The following EML6 variants were observed in gnomAD, a reference collection of about 807,000 sequenced individuals.
EML6 encodes EMAP like 6.
EML6 carries 154 observed loss-of-function variants against 240.1 expected under a neutral mutation model. The ratio of observed to expected loss-of-function variants is 0.64; its 90% CI spans 0.56 to 0.73. The LOEUF is 0.73. Ranked by LOEUF, EML6 falls within the 30% of genes least tolerant of loss-of-function variation. The pLI is 0.00. For missense variants in EML6, 2,964 were observed against 2,474.6 expected, an observed-to-expected ratio of 1.20 and a Z score of -4.20; for synonymous variants, 1,148 against 899.0, an observed-to-expected ratio of 1.28 and a Z score of -4.95.
At chr2:54,750,306 CT>C (rs1160268260) in intron 2 of EML6, among the ~76,000 whole-genome samples, 1 of 152,200 alleles carries the variant, frequency 6.6e-6, no homozygotes, top group Non-Finnish European at 1.5e-5. Flanking sequence ...ATTCCGATGG[CT>C]TCATAGCTAC....
chr2:54,943,999 G>T (rs1383564459), intron 28 of EML6, among the ~76,000 whole-genome samples: 1 of 152,018 alleles, frequency 6.6e-6, no homozygotes, highest in Admixed American at 6.6e-5. Context: ...TGGCCCTTCT[G>T]GTGCCTCCCT....
chr2:54,730,680 T>C (rs1320367516), intron 2 of EML6, among the ~76,000 whole-genome samples: 1 of 152,256 alleles, frequency 6.6e-6, no homozygotes, highest in Non-Finnish European at 1.5e-5. Flanking sequence ...TGAAAGCTTT[T>C]GACGGAAGCT....
intron 2 of EML6, among the ~76,000 whole-genome samples, chr2:54,800,896 C>A (rs190379837): frequency 6.6e-6 from 1 of 152,152 alleles, no homozygotes; most frequent in South Asian, 2.1e-4. Flanking sequence ...TGTGACGTCT[C>A]TGGAACAGGA....
chr2:54,829,108 A>G (rs1668737989), intron 6 of EML6, among the ~76,000 whole-genome samples: 1 of 152,206 alleles, frequency 6.6e-6, no homozygotes, highest in Admixed American at 6.5e-5. Context: ...TCTTTTTAGT[A>G]GTGGTAAAAG....
At chr2:54,943,909 G>T (rs965090612) in intron 28 of EML6, among the ~76,000 whole-genome samples, 1 of 152,132 alleles carries the variant, frequency 6.6e-6, no homozygotes, top group Non-Finnish European at 1.5e-5. Flanking sequence ...GCCACATGTG[G>T]CATTGGCTAC....
At chr2:54,951,077 A>G (rs1675952701) in intron 30 of EML6, among the ~76,000 whole-genome samples, 1 of 152,238 alleles carries the variant, frequency 6.6e-6, no homozygotes. Flanking sequence ...GACAGGGTGT[A>G]AGGAGTGGAG....
Position 54,863,902 on chromosome 2 carries a change from G to A in EML6, c.1932+13G>A. 1 of 1,460,564 alleles carries A rather than the reference G, an allele frequency of 6.8e-7. No individual in the cohort carries two copies. The highest frequency in any genetic ancestry group is 1.3e-5 in the South Asian group (1 of 78,812). The allele number at this position is 1,460,564 out of a possible 1,614,324, so 90.5% of individuals were successfully genotyped here. ...TTATGATCGCCAGGTCGGTAAGCAG[G>A]GAGCAATGAAAATTTGTAACCCCAG... On this transcript the variant is annotated intron_variant, in intron 13 of 41. Coordinates refer to ENST00000356458, the MANE Select transcript of EML6 (RefSeq NM_001039753.4).
chr2:54,847,247 GGA>G (rs1669814106), intron 8 of EML6, among the ~76,000 whole-genome samples: 1 of 151,918 alleles, frequency 6.6e-6, no homozygotes, highest in South Asian at 2.1e-4. Context: ...CAAAATCTTT[GGA>G]AATGTTACCT....
At chr2:54,864,754 A>G (rs1179684664) in intron 13 of EML6, among the ~76,000 whole-genome samples, 1 of 152,224 alleles carries the variant, frequency 6.6e-6, no homozygotes, top group Admixed American at 6.5e-5. Flanking sequence ...TTAGGATAAC[A>G]ATGCTTACCT....
intron 26 of EML6, among the ~76,000 whole-genome samples, chr2:54,927,560 C>A (rs961309142): frequency 3.9e-5 from 6 of 152,270 alleles, no homozygotes; most frequent in African/African-American, 1.4e-4. Context: ...GGCTCATGAG[C>A]TGAATATGGA....
Position 54,964,565 on chromosome 2 carries a change from T to G in EML6, c.5331-6T>G. On this transcript the variant is annotated splice_polypyrimidine_tract_variant and splice_region_variant and intron_variant, in intron 37 of 41. Coordinates refer to ENST00000356458, the MANE Select transcript of EML6 (RefSeq NM_001039753.4). Reference sequence around the variant, plus strand: ...ATGGACTCTGCTCTCGGATTGCTTTTTCTAGAATCAGCCCAGACAACCGAT... The same window carrying G: ...ATGGACTCTGCTCTCGGATTGCTTTGTCTAGAATCAGCCCAGACAACCGAT... 6.4e-7 allele frequency: 1 copy of G among 1,552,314 alleles called. No individual in the cohort carries two copies. Among genetic ancestry groups the G allele is most frequent in the Non-Finnish European group, 8.7e-7 (1 of 1,147,082 alleles).
At chr2:54,783,396 C>CA (rs1668939233) in intron 2 of EML6, among the ~76,000 whole-genome samples, 1 of 152,178 alleles carries the variant, frequency 6.6e-6, no homozygotes, top group Admixed American at 6.5e-5. Flanking sequence ...TTTCAAATAA[C>CA]ATTCAGAACA....
rs966998025 is a variant in EML6, at chr2:54,958,519, C to A, written c.4695+521C>A. Among the ~76,000 whole-genome samples, 7 of 152,020 alleles carry A rather than the reference C, an allele frequency of 4.6e-5. No homozygotes were observed. The East Asian group carries it at 7.7e-4, about 17-fold the overall frequency. On this transcript the variant is annotated intron_variant, in intron 33 of 41. Coordinates refer to ENST00000356458, the MANE Select transcript of EML6 (RefSeq NM_001039753.4). ...TATTTTTTTTTTCTTAAAATATTAA[C>A]CAGAAAAGGTAGGACACCCACCCAG...
chr2:54,859,502 A>T (rs1238865492), intron 11 of EML6, 32 bp from the exon 12 acceptor site: 4 of 1,527,064 alleles, frequency 2.6e-6, no homozygotes, highest in Admixed American at 2.1e-5. Flanking sequence ...TTCTTTTTTC[A>T]TAACTAATCC....
Position 54,813,390 on chromosome 2 carries a change from A to C in EML6, c.356A>C (p.Gln119Pro). Residue 119 changes from glutamine to proline, a missense_variant and splice_region_variant, in exon 3 of 42, where the codon CAG becomes CCG. By Grantham distance (76) the Gln-to-Pro change is moderately conservative. Coordinates refer to ENST00000356458, the MANE Select transcript of EML6 (RefSeq NM_001039753.4). ...TGCCTGGCTTTTGACTCAGATGGAC[A>C]GGTGTGTATCTTTTTTTAGTTGTTT... ...VACLAFDSDG[Q>P]RLASVGLDAK... is the part of the protein sequence containing the mutation. 6.5e-7 allele frequency: 1 copy of C among 1,550,330 alleles called. No homozygotes were observed. Among genetic ancestry groups the C allele is most frequent in the Non-Finnish European group, 8.7e-7 (1 of 1,146,064 alleles).
intron 2 of EML6, among the ~76,000 whole-genome samples, chr2:54,802,796 C>G (rs1420361599): frequency 6.6e-6 from 1 of 152,028 alleles, no homozygotes; most frequent in Non-Finnish European, 1.5e-5. Context: ...TCCCATTTAC[C>G]CCATTTGGCA....
chr2:54,874,946 G>A, intron 16 of EML6, among the ~76,000 whole-genome samples: 1 of 152,142 alleles, frequency 6.6e-6, no homozygotes, highest in East Asian at 1.9e-4. Context: ...GAGCCACCAG[G>A]CCTGGGTTTG....
At chr2:54,764,433 A>G (rs755217332) in intron 2 of EML6, among the ~76,000 whole-genome samples, 1 of 152,144 alleles carries the variant, frequency 6.6e-6, no homozygotes, top group Non-Finnish European at 1.5e-5. Context: ...AAATAAATTC[A>G]TTATCCCTAT....
At chr2:54,765,185 C>G (rs995840943) in intron 2 of EML6, among the ~76,000 whole-genome samples, 2 of 152,026 alleles carry the variant, frequency 1.3e-5, no homozygotes, top group African/African-American at 4.8e-5. Context: ...TTATATTCAG[C>G]CTCTAACTTA....
Sources: allele counts gnomAD v4.1 joint callset (sites outside exome capture counted in the v4.1 genomes callset), GRCh38; gene constraint gnomAD v4.1.1; transcripts MANE v1.5; gene names NCBI Gene and HGNC (gene_info 2026-07-23, HGNC 2026-07-21).